The following MAP3K13 variants were observed in gnomAD, a reference collection of about 807,000 sequenced individuals.
The protein encoded by MAP3K13 is leucine zipper-bearing kinase.
In MAP3K13, 52 loss-of-function variants were observed where a neutral mutation model predicts 104.0. The observed-to-expected ratio is 0.50, with a 90% CI of 0.40 to 0.63. The LOEUF is 0.63. Ranked by LOEUF, MAP3K13 falls within the 20% of genes least tolerant of loss-of-function variation. The pLI is 0.00. For synonymous variants in MAP3K13, 394 were observed against 442.2 expected (o/e 0.89, Z 1.37); for missense variants, 914 against 1,218.5 (o/e 0.75, Z 3.72).
chr3:185,334,725 C>T (rs546706588), intron 2 of MAP3K13, among the ~76,000 whole-genome samples: 5 of 152,074 alleles, frequency 3.3e-5, no homozygotes, highest in Non-Finnish European at 7.4e-5. Flanking sequence ...TCTCCTGCCT[C>T]AGCCTCCCGA....
At chr3:185,348,338 A>G (rs2108728355) in intron 2 of MAP3K13, among the ~76,000 whole-genome samples, 1 of 152,326 alleles carries the variant, frequency 6.6e-6, no homozygotes, top group Admixed American at 6.5e-5. Flanking sequence ...CTAAAAACAC[A>G]TCTAAGAAAA....
intron 1 of MAP3K13, among the ~76,000 whole-genome samples, chr3:185,413,170 A>C (rs567062143): frequency 6.0e-4 from 91 of 152,344 alleles, no homozygotes; most frequent in African/African-American, 2.1e-3. Flanking sequence ...AATATTACTA[A>C]AACATGGTTG....
chr3:185,342,886 A>G (rs930687068), intron 2 of MAP3K13, among the ~76,000 whole-genome samples: 5 of 152,136 alleles, frequency 3.3e-5, no homozygotes, highest in Non-Finnish European at 5.9e-5. Flanking sequence ...CGTTCTCTGG[A>G]TGCTTAACTG....
chr3:185,393,625 A>T (rs1712206272), intron 1 of MAP3K13, among the ~76,000 whole-genome samples: 1 of 151,934 alleles, frequency 6.6e-6, no homozygotes, highest in African/African-American at 2.4e-5. Context: ...CACCCGGCTA[A>T]TTTTTTGTAT....
At position 185,395,191 on chromosome 3, in the gene MAP3K13, T is replaced by G. The variant is rs910334048; in HGVS notation, c.-86+31823T>G. Among the ~76,000 whole-genome samples, 42 of 151,954 alleles carry G rather than the reference T, an allele frequency of 2.8e-4. 1 individual carries two copies. Among genetic ancestry groups the G allele is most frequent in the Non-Finnish European group, 8.8e-5 (6 of 67,978 alleles). ...GTTTCAAATACTTTGCTTTTCTCTC[T>G]TTCTTCCCAGTCTATTGACTTTTCT... On this transcript the variant is annotated intron_variant, in intron 1 of 13. Transcript: ENST00000265026.
rs189991631 is a variant in MAP3K13 at position 185,315,182 on chromosome 3, G to A, written c.-86+29539G>A. On this transcript the variant is annotated intron_variant, in intron 2 of 14. Transcript: ENST00000424227. This position sits in a 1 kb window ranked among gnomAD's most constrained non-coding sequence, Gnocchi z 4.3. ...GGAGAATTGCTTGAACCTGGGAGGC[G>A]GAGGTTGCAGTGAGCTGAGATCGCA... 1.6e-3 allele frequency among the ~76,000 whole-genome samples: 240 copies of A among 152,188 alleles called. 1 individual carries two copies. Among genetic ancestry groups the A allele is most frequent in the African/African-American group, 4.8e-3 (201 of 41,532 alleles).
At chr3:185,290,680 GTTTC>G (rs1475570216) in intron 2 of MAP3K13, among the ~76,000 whole-genome samples, 1 of 152,054 alleles carries the variant, frequency 6.6e-6, no homozygotes, top group Non-Finnish European at 1.5e-5. Flanking sequence ...TTGTACTTCA[GTTTC>G]TTTATCTGTA....
intron 2 of MAP3K13, among the ~76,000 whole-genome samples, chr3:185,435,097 G>A (rs1032413441): frequency 1.3e-5 from 2 of 151,906 alleles, no homozygotes; most frequent in Non-Finnish European, 2.9e-5. Context: ...TCTGCCTCCC[G>A]GGTTCAAGCA....
intron 7 of MAP3K13, among the ~76,000 whole-genome samples, chr3:185,455,371 TGATATATATGATATATATATCATATATGA>T: frequency 1.4e-5 from 1 of 72,808 alleles, no homozygotes; most frequent in African/African-American, 5.1e-5. Flanking sequence ...GAGATATATA[TGATATATATGATATATATATCATATATGA>T]GATATATATA....
rs534521889 is a variant in MAP3K13, at chr3:185,316,566, G to A, written c.-86+30923G>A. 2.5e-4 allele frequency among the ~76,000 whole-genome samples: 38 copies of A among 152,284 alleles called. 1 individual carries two copies. The highest frequency in any genetic ancestry group is 7.2e-4 in the African/African-American group (30 of 41,558). On this transcript the variant is annotated intron_variant, in intron 2 of 14. Coordinates refer to the MAP3K13 transcript ENST00000424227. Reference sequence around the variant, plus strand: ...TGAGGCAGGAGGTTCACTTAAGCCCGGGAGGTGGAAGTTGCAGTGAGCCAA... The same window carrying A: ...TGAGGCAGGAGGTTCACTTAAGCCCAGGAGGTGGAAGTTGCAGTGAGCCAA...
chr3:185,287,977 C>T (rs975988282), intron 2 of MAP3K13, among the ~76,000 whole-genome samples: 4 of 152,140 alleles, frequency 2.6e-5, no homozygotes, highest in Non-Finnish European at 5.9e-5. Flanking sequence ...GCAGAGGTTG[C>T]TGTGAGCCAA....
At chr3:185,310,820 A>C (rs777550712) in intron 2 of MAP3K13, among the ~76,000 whole-genome samples, 2 of 152,208 alleles carry the variant, frequency 1.3e-5, no homozygotes, top group Non-Finnish European at 2.9e-5. Context: ...AGAGGAGTCA[A>C]TACCTGCCAC....
intron 1 of MAP3K13, among the ~76,000 whole-genome samples, chr3:185,383,953 A>T (rs200695170): frequency 1.3e-5 from 2 of 152,214 alleles, no homozygotes; most frequent in Non-Finnish European, 2.9e-5. Context: ...TGTTAGGAAC[A>T]TTTCAAATCT....
chr3:185,413,005 C>T lies in MAP3K13; in HGVS notation c.-85-15492C>T, dbSNP rs761646527. Among the ~76,000 whole-genome samples, 5 of 152,214 alleles carry T rather than the reference C, an allele frequency of 3.3e-5. No individual in the cohort carries two copies. The East Asian group carries it at 9.6e-4, about 29-fold the overall frequency. ...CTAATTTCATTTTTTAGATTCTCCACAAATGAACCTACTTAGATATTGAAA... is the reference window on the plus strand; with the variant it reads ...CTAATTTCATTTTTTAGATTCTCCATAAATGAACCTACTTAGATATTGAAA... On this transcript the variant is annotated intron_variant, in intron 1 of 13. Transcript: ENST00000265026.
chr3:185,477,713 C>G (rs1178175774), intron 12 of MAP3K13, among the ~76,000 whole-genome samples: 4 of 152,158 alleles, frequency 2.6e-5, no homozygotes, highest in African/African-American at 9.7e-5. Context: ...GTGTTGGTTT[C>G]TAGTGTGCCT....
At chr3:185,478,187 G>A (rs1190441981) in intron 12 of MAP3K13, among the ~76,000 whole-genome samples, 3 of 152,134 alleles carry the variant, frequency 2.0e-5, no homozygotes, top group African/African-American at 4.8e-5. Flanking sequence ...CTTAGATAGC[G>A]ATAATAATAT....
chr3:185,394,700 A>G (rs1233394365), intron 1 of MAP3K13, among the ~76,000 whole-genome samples: 1 of 152,218 alleles, frequency 6.6e-6, no homozygotes, highest in East Asian at 1.9e-4. Context: ...AAAGGTTTTT[A>G]AAGTATTTCT....
intron 11 of MAP3K13, among the ~76,000 whole-genome samples, chr3:185,475,392 A>T (rs1718062908): frequency 6.6e-6 from 1 of 152,198 alleles, no homozygotes; most frequent in Non-Finnish European, 1.5e-5. Flanking sequence ...GTTCACCAGG[A>T]ATTTAGCTGA....
intron 1 of MAP3K13, among the ~76,000 whole-genome samples, chr3:185,408,301 C>T (rs1404744364): frequency 6.6e-6 from 1 of 152,124 alleles, no homozygotes; most frequent in Admixed American, 6.5e-5. Context: ...CGGTGGCTCA[C>T]ACCTGTAATC....
Sources: allele counts gnomAD v4.1 joint callset (sites outside exome capture counted in the v4.1 genomes callset), GRCh38; gene constraint gnomAD v4.1.1; non-coding constraint Gnocchi (gnomAD v3.1); transcripts MANE v1.5; gene names NCBI Gene and HGNC (gene_info 2026-07-23, HGNC 2026-07-21).